Variants in DRG1 observed in about 807,000 individuals in gnomAD.
DRG1 encodes developmentally-regulated GTP-binding protein 1.
DRG1 carries 19 observed loss-of-function variants against 38.8 expected under a neutral mutation model. The observed-to-expected ratio is 0.49, with a 90% CI of 0.34 to 0.72. DRG1 has a LOEUF of 0.72. Ranked by LOEUF, DRG1 falls within the 30% of genes least tolerant of loss-of-function variation. DRG1 has a pLI of 0.01. For synonymous variants in DRG1, 167 were observed against 157.5 expected (o/e 1.06, Z -0.45); for missense variants, 299 against 444.8 (o/e 0.67, Z 2.95).
chr22:31,399,927 C>T (rs555438156), intron 1 of DRG1, among the ~76,000 whole-genome samples: 1 of 152,218 alleles, frequency 6.6e-6, no homozygotes, highest in South Asian at 2.1e-4. Flanking sequence ...TCCCCTCGTC[C>T]CGCGTCTACG....
In DRG1 at chr22:31,422,541, C is replaced by G. The variant is rs148982528; in HGVS notation, c.583-739C>G. 5.3e-5 allele frequency among the ~76,000 whole-genome samples: 8 copies of G among 152,286 alleles called. No homozygotes were observed. In the East Asian group the frequency reaches 7.7e-4, roughly 15 times the overall value. On this transcript the variant is annotated intron_variant, in intron 5 of 8. Transcript: ENST00000331457. Reference sequence around the variant, plus strand: ...ATACTGGAAGCCAAGTAAAGTGTTTCACATAGGAGTGACCAATTCTGTCAA... The same window carrying G: ...ATACTGGAAGCCAAGTAAAGTGTTTGACATAGGAGTGACCAATTCTGTCAA...
At chr22:31,417,980 T>TC (rs1399260089) in intron 4 of DRG1, among the ~76,000 whole-genome samples, 1 of 126,234 alleles carries the variant, frequency 7.9e-6, no homozygotes, top group African/African-American at 3.1e-5. Flanking sequence ...AGAGTGAAAC[T>TC]CCATCTCAAA....
chr22:31,416,730 G>A (rs759324146), intron 4 of DRG1, among the ~76,000 whole-genome samples: 1 of 151,584 alleles, frequency 6.6e-6, no homozygotes, highest in African/African-American at 2.4e-5. Flanking sequence ...TGGTGAAACC[G>A]CGTGTCTATT....
chr22:31,413,183 T>G (rs1431661408), intron 4 of DRG1, among the ~76,000 whole-genome samples: 1 of 152,072 alleles, frequency 6.6e-6, no homozygotes, highest in Non-Finnish European at 1.5e-5. Flanking sequence ...ACCGTAACCA[T>G]GAACTCATAG....
intron 2 of DRG1, among the ~76,000 whole-genome samples, chr22:31,401,293 A>T (rs2049959523): frequency 6.6e-6 from 1 of 151,684 alleles, no homozygotes; most frequent in African/African-American, 2.4e-5. Flanking sequence ...GTACCAAAAA[A>T]AAAAAAAGGC....
Position 31,420,365 on chromosome 22 carries a change from C to A in DRG1, c.522C>A (p.Ser174Arg). ...AAGGCTTTGGCATTCGCTTGAACAG[C>A]AAACCCCCCAACATTGGCTTTAAGA... ...ELEGFGIRLN[S>R]KPPNIGFKKK... The change falls in exon 5 of 9, where the codon AGC becomes AGA. Residue 174 changes from serine to arginine, a missense_variant. Coordinates refer to ENST00000331457, the MANE Select transcript of DRG1 (RefSeq NM_004147.4). 1.9e-6 allele frequency: 3 copies of A among 1,614,134 alleles called. No individual in the cohort carries two copies. The highest frequency in any genetic ancestry group is 2.5e-6 in the Non-Finnish European group (3 of 1,180,040).
At chr22:31,417,167 C>T (rs966116937) in intron 4 of DRG1, among the ~76,000 whole-genome samples, 5 of 151,624 alleles carry the variant, frequency 3.3e-5, no homozygotes, top group Admixed American at 2.6e-4. Flanking sequence ...GTCAGGAGAT[C>T]GAGACCAACC....
At chr22:31,433,783 T>C in intron 8 of DRG1, 89 bp from the exon 9 acceptor site, 1 of 1,159,346 alleles carries the variant, frequency 8.6e-7, no homozygotes, top group Admixed American at 1.9e-5. Flanking sequence ...GGTATGATAC[T>C]AAATCTGAGC....
At chr22:31,411,389 G>A (rs1001599) in intron 4 of DRG1, among the ~76,000 whole-genome samples, 42,701 of 151,930 alleles carry the variant, frequency 0.28, 6,689 homozygotes, top group East Asian at 0.53. Context: ...TATGGCTGTC[G>A]TCTTGAGATT....
At chr22:31,408,067 A>G (rs1338415589) in intron 3 of DRG1, among the ~76,000 whole-genome samples, 1 of 141,788 alleles carries the variant, frequency 7.1e-6, no homozygotes, top group African/African-American at 2.6e-5. Flanking sequence ...CAGAGGTTGC[A>G]GTGAGCCGAG....
intron 8 of DRG1, among the ~76,000 whole-genome samples, chr22:31,428,700 C>G (rs971091133): frequency 3.1e-4 from 47 of 152,192 alleles, no homozygotes; most frequent in East Asian, 1.9e-4. Flanking sequence ...TTAGTTGTTG[C>G]TTGTTTGTAG....
chr22:31,402,505 C>CT (rs66506650), intron 2 of DRG1, among the ~76,000 whole-genome samples: 70,735 of 104,686 alleles, frequency 0.68, 26,140 homozygotes, highest in Non-Finnish European at 0.79. Flanking sequence ...TGGGCTGTAC[C>CT]TTTTTTTTTT....
intron 3 of DRG1, among the ~76,000 whole-genome samples, chr22:31,403,777 G>A (rs1251985472): frequency 1.3e-5 from 2 of 152,026 alleles, no homozygotes; most frequent in South Asian, 2.1e-4. Flanking sequence ...CACCGCGCCC[G>A]GCCCCCTGGT....
At chr22:31,426,481 T>G (rs1469928739) in intron 6 of DRG1, 134 bp from the exon 7 acceptor site, 2 of 732,404 alleles carry the variant, frequency 2.7e-6, no homozygotes, top group Non-Finnish European at 4.4e-6. Flanking sequence ...CTTTTTTCTT[T>G]TTCTGGCTGA....
chr22:31,431,191 T>C (rs962656171), intron 8 of DRG1, among the ~76,000 whole-genome samples: 33 of 151,582 alleles, frequency 2.2e-4, no homozygotes, highest in Non-Finnish European at 3.1e-4. Flanking sequence ...CCTGCCACCA[T>C]GCCTGGCTAA....
At position 31,427,844 on chromosome 22, in the gene DRG1, C is replaced by T. The variant is rs695257; in HGVS notation, c.1004+662C>T. Among the ~76,000 whole-genome samples the T allele has an allele frequency of 4.9e-3, 739 of 152,190 alleles. 5 individuals carry two copies. The highest frequency in any genetic ancestry group is 0.017 in the African/African-American group (699 of 41,506). ...TGCTTCCCGGGTTCAAGTGATTCTC[C>T]TGCCTCAACCTCCTGAGTAGCTGGG... On this transcript the variant is annotated intron_variant, in intron 8 of 8. Transcript: ENST00000331457.
At chr22:31,427,698 TG>T (rs2050118503) in intron 8 of DRG1, among the ~76,000 whole-genome samples, 1 of 152,222 alleles carries the variant, frequency 6.6e-6, no homozygotes, top group African/African-American at 2.4e-5. Flanking sequence ...CCTGAGTAGC[TG>T]GGACTACAGG....
chr22:31,429,223 ATTC>A (rs1471237238), intron 8 of DRG1, among the ~76,000 whole-genome samples: 7 of 151,944 alleles, frequency 4.6e-5, no homozygotes, highest in Non-Finnish European at 8.8e-5. Context: ...GGTTCAAGCA[ATTC>A]TTCTGCCTCA....
In DRG1 at chr22:31,411,249, A is replaced by G. The variant is rs115341959; in HGVS notation, c.412+168A>G. Among the ~76,000 whole-genome samples the G allele has an allele frequency of 6.0e-3, 921 of 152,260 alleles. 12 individuals are homozygous for G. The highest frequency in any genetic ancestry group is 0.021 in the African/African-American group (868 of 41,554). ...AGGGACCTCAGCTGCAACGTTAGCA[A>G]TGTTCTGAATCTCTGCTGTCCAACA... On this transcript the variant is annotated intron_variant, in intron 4 of 8. Coordinates refer to ENST00000331457, the MANE Select transcript of DRG1 (RefSeq NM_004147.4).
Sources: gnomAD v4.1 joint callset for allele counts (sites outside exome capture counted in the v4.1 genomes callset) on GRCh38, gnomAD v4.1.1 for gene constraint, MANE v1.5 for transcripts, NCBI Gene and HGNC (gene_info 2026-07-23, HGNC 2026-07-21) for gene names.